The following CFTR variants were observed in gnomAD, a reference collection of about 807,000 sequenced individuals.
CFTR encodes the protein CF transmembrane conductance regulator.
CFTR carries 181 observed loss-of-function variants against 171.6 expected under a neutral mutation model. The ratio of observed to expected loss-of-function variants is 1.05; its 90% CI spans 0.93 to 1.19. The LOEUF (loss-of-function observed/expected upper bound fraction) is 1.19. CFTR is among the 50% of genes most tolerant of loss of function. The probability of loss-of-function intolerance (pLI) is 0.00; values close to 1 mark genes in which losing one functional copy is unlikely to be tolerated. For synonymous variants in CFTR, 583 were observed against 608.0 expected (o/e 0.96, Z 0.60); for missense variants, 1,968 against 1,734.7 (o/e 1.13, Z -2.39).
intron 1 of CFTR, among the ~76,000 whole-genome samples, chr7:117,497,940 A>T (rs1798264996): frequency 6.6e-6 from 1 of 152,068 alleles, no homozygotes; most frequent in African/African-American, 2.4e-5. Context: ...GAGAAGCAAA[A>T]AAGAAAATAT....
In CFTR at chr7:117,594,838, T is replaced by G. The variant is rs541577126; in HGVS notation, c.2491-92T>G. The G allele has an allele frequency of 5.0e-4, 559 of 1,126,744 alleles. 3 individuals are homozygous for G. Among genetic ancestry groups the G allele is most frequent in the Non-Finnish European group, 6.6e-4 (501 of 761,042 alleles). 69.8% of individuals were successfully genotyped at this position (1,126,744 alleles called of 1,614,324 possible). A position where few individuals can be genotyped will look rare whatever the true frequency, so the allele number is the denominator to read the frequency against. On this transcript the variant is annotated intron_variant, in intron 14 of 26. Coordinates refer to ENST00000003084, the MANE Select transcript of CFTR (RefSeq NM_000492.4). Reference sequence around the variant, plus strand: ...AAATACACTTAGATTCAAGTAATACTATTCTTTTATTTTCATATATTAAAA... The same window carrying G: ...AAATACACTTAGATTCAAGTAATACGATTCTTTTATTTTCATATATTAAAA...
intron 1 of CFTR, among the ~76,000 whole-genome samples, chr7:117,494,054 C>T (rs1281608181): frequency 1.3e-5 from 2 of 152,106 alleles, no homozygotes; most frequent in African/African-American, 4.8e-5. Context: ...ATCCTAGAGA[C>T]CAACTTTATC....
chr7:117,649,520 T>TA lies in CFTR; in HGVS notation c.3874-3322_3874-3321insA, dbSNP rs1491362667. Among the ~76,000 whole-genome samples, 594 of 114,430 alleles carry TA rather than the reference T, an allele frequency of 5.2e-3. 3 individuals are homozygous for TA. Among genetic ancestry groups the TA allele is most frequent in the Non-Finnish European group, 8.1e-3 (445 of 54,652 alleles). The allele number at this position is 114,430 out of a possible 152,430, so 75.1% of individuals were successfully genotyped here. On this transcript the variant is annotated intron_variant, in intron 23 of 26. Coordinates refer to ENST00000003084, the MANE Select transcript of CFTR (RefSeq NM_000492.4). ...GTGTATATATATATATATATATATA[T>TA]TTTTTTTTTCCTGAGCCAAAACAAA...
At chr7:117,563,313 T>C (rs1484142315) in intron 11 of CFTR, among the ~76,000 whole-genome samples, 1 of 152,124 alleles carries the variant, frequency 6.6e-6, no homozygotes, top group Non-Finnish European at 1.5e-5. Context: ...TACTATTTGC[T>C]ATATCTGACT....
intron 10 of CFTR, among the ~76,000 whole-genome samples, chr7:117,559,041 C>G (rs1799409510): frequency 6.6e-6 from 1 of 152,088 alleles, no homozygotes; most frequent in Admixed American, 6.5e-5. Context: ...TAATCTGTAC[C>G]TAATAATATG....
intron 22 of CFTR, among the ~76,000 whole-genome samples, chr7:117,633,684 G>C (rs530803872): frequency 1.3e-5 from 2 of 151,494 alleles, no homozygotes; most frequent in Non-Finnish European, 3.0e-5. Context: ...TCTATTTTTA[G>C]TTTGCTGATT....
intron 22 of CFTR, among the ~76,000 whole-genome samples, chr7:117,637,454 G>A (rs963878324): frequency 6.6e-6 from 1 of 152,106 alleles, no homozygotes; most frequent in African/African-American, 2.4e-5. Flanking sequence ...CTTTTGGTGG[G>A]ACATAGTGAC....
At chr7:117,482,735 T>C (rs1007954281) in intron 1 of CFTR, among the ~76,000 whole-genome samples, 4 of 152,256 alleles carry the variant, frequency 2.6e-5, no homozygotes, top group African/African-American at 9.6e-5. Context: ...ATTTACATTT[T>C]CTCACAACTT....
chr7:117,536,573 GA>G lies in CFTR; in HGVS notation c.772del (p.Arg258AspfsTer3). 1 of 1,600,754 alleles carries G rather than the reference GA, an allele frequency of 6.2e-7. No individual in the cohort carries two copies. Among genetic ancestry groups the G allele is most frequent in the Non-Finnish European group, 8.5e-7 (1 of 1,172,554 alleles). The part of the protein sequence containing the change: ...YRDQRAGKIS[E>X]RLVITSEMIE... ...AGATCAGAGAGCTGGGAAGATCAGT[GA>G]AAGACTTGTGATTACCTCAGAAATG... On this transcript the variant is annotated frameshift_variant, in exon 7 of 27. Coordinates refer to ENST00000003084, the MANE Select transcript of CFTR (RefSeq NM_000492.4). LOFTEE classifies it high-confidence loss of function.
chr7:117,654,378 G>A (rs1243520306), intron 24 of CFTR, among the ~76,000 whole-genome samples: 1 of 152,138 alleles, frequency 6.6e-6, no homozygotes, highest in Admixed American at 6.5e-5. Flanking sequence ...ATGAGTGCTG[G>A]GGTCTGCTAG....
chr7:117,480,450 A>G (rs1317283337), intron 1 of CFTR, among the ~76,000 whole-genome samples: 1 of 152,188 alleles, frequency 6.6e-6, no homozygotes, highest in East Asian at 1.9e-4. Flanking sequence ...GAAACTAAAA[A>G]TACTTGTTAA....
At chr7:117,491,366 G>C (rs1798157323) in intron 1 of CFTR, among the ~76,000 whole-genome samples, 3 of 151,994 alleles carry the variant, frequency 2.0e-5, no homozygotes, top group East Asian at 3.9e-4. Flanking sequence ...TCCTAACGTG[G>C]AATTTCTCTG....
chr7:117,608,083 G>T (rs541294793), intron 18 of CFTR, among the ~76,000 whole-genome samples: 1 of 152,028 alleles, frequency 6.6e-6, no homozygotes, highest in African/African-American at 2.4e-5. Flanking sequence ...ATTATTTGAG[G>T]CTCACTTCAG....
chr7:117,549,408 T>A (rs1221183305), intron 10 of CFTR, among the ~76,000 whole-genome samples: 1 of 152,096 alleles, frequency 6.6e-6, no homozygotes. Context: ...TGGAGATACA[T>A]CTGAAAAAAT....
chr7:117,540,552 G>A (rs1246544624), intron 8 of CFTR, among the ~76,000 whole-genome samples: 1 of 152,150 alleles, frequency 6.6e-6, no homozygotes, highest in Non-Finnish European at 1.5e-5. Flanking sequence ...GATGAGAGTG[G>A]CATTTTATGC....
At chr7:117,646,109 G>T (rs1458305013) in intron 23 of CFTR, among the ~76,000 whole-genome samples, 4 of 152,092 alleles carry the variant, frequency 2.6e-5, no homozygotes, top group African/African-American at 7.2e-5. Flanking sequence ...TGATTTCTCT[G>T]TGCCTCTGTT....
intron 3 of CFTR, 130 bp from the exon 4 acceptor site, chr7:117,530,769 A>G (rs886755903): frequency 2.2e-5 from 15 of 693,448 alleles, no homozygotes; most frequent in African/African-American, 1.4e-4. Flanking sequence ...AGAGTTTCAC[A>G]TATGGTATGA....
At chr7:117,662,491 G>A (rs1455939233) in intron 24 of CFTR, among the ~76,000 whole-genome samples, 4 of 152,170 alleles carry the variant, frequency 2.6e-5, no homozygotes, top group Non-Finnish European at 4.4e-5. Flanking sequence ...AGAGCATCAA[G>A]GTGTTTAGGG....
At chr7:117,571,335 C>G (rs1401862981) in intron 11 of CFTR, among the ~76,000 whole-genome samples, 3 of 152,144 alleles carry the variant, frequency 2.0e-5, no homozygotes, top group African/African-American at 7.2e-5. Flanking sequence ...AATAATATAG[C>G]AGTGAAGTAC....
Sources: allele counts gnomAD v4.1 joint callset (sites outside exome capture counted in the v4.1 genomes callset), GRCh38; gene constraint gnomAD v4.1.1; transcripts MANE v1.5; gene names NCBI Gene and HGNC (gene_info 2026-07-23, HGNC 2026-07-21).